The following ACTN4 variants were observed in gnomAD, a reference collection of about 807,000 sequenced individuals.
The protein encoded by ACTN4 is alpha-actinin-4.
In ACTN4, 18 loss-of-function variants were observed where a neutral mutation model predicts 114.2. The ratio of observed to expected loss-of-function variants is 0.16; its 90% CI spans 0.11 to 0.23. ACTN4 has a LOEUF of 0.23. Among genes scored for constraint, ACTN4 ranks in the 10% least tolerant of loss-of-function variants. The pLI, the probability that ACTN4 is intolerant of heterozygous loss-of-function variation, is 1.00. For synonymous variants in ACTN4, 515 were observed against 506.3 expected, an observed-to-expected ratio of 1.02 and a Z score of -0.23; for missense variants, 722 against 1,262.9, an observed-to-expected ratio of 0.57 and a Z score of 6.49.
intron 19 of ACTN4, chr19:38,728,506 T>TCCGCGTCCC: frequency 1.6e-6 from 1 of 632,092 alleles, no homozygotes; most frequent in East Asian, 7.2e-5. Flanking sequence ...GGGACACTCC[T>TCCGCGTCCC]CCGCCCGAGC....
In ACTN4 at chr19:38,729,067, C is replaced by T. The variant is rs374021622; in HGVS notation, c.2490C>T (p.Ala830=). ...ATAGCGGCCTTGTGACCTTCCAAGCCTTCATCGACTTCATGTCGCGGGAGA... is the reference window on the plus strand; with the variant it reads ...ATAGCGGCCTTGTGACCTTCCAAGCTTTCATCGACTTCATGTCGCGGGAGA... ...PNHSGLVTFQ[A]FIDFMSRETT... The change falls in exon 20 of 21, where the codon GCC becomes GCT. Residue 830 remains alanine, a synonymous_variant. Transcript: ENST00000252699. The T allele has an allele frequency of 4.7e-5, 76 of 1,613,558 alleles. No individual in the cohort carries two copies. The African/African-American group carries it at 9.1e-4, about 19-fold the overall frequency.
Position 38,717,189 on chromosome 19 carries a change from G to A in ACTN4, c.1016G>A (p.Arg339Gln). 6.2e-7 allele frequency: 1 copy of A among 1,614,240 alleles called. No individual in the cohort carries two copies. The highest frequency in any genetic ancestry group is 8.5e-7 in the Non-Finnish European group (1 of 1,180,042). ...AAGCTGGAGGACTTCCGCGACTACCGGCGTGTGCACAAGCCGCCCAAGGTG... is the reference window on the plus strand; with the variant it reads ...AAGCTGGAGGACTTCCGCGACTACCAGCGTGTGCACAAGCCGCCCAAGGTG... Reference protein sequence around the residue: ...QQKLEDFRDYRRVHKPPKVQE... With the variant: ...QQKLEDFRDYQRVHKPPKVQE... The change falls in exon 10 of 21, where the codon CGG (arginine) becomes CAG (glutamine). Residue 339 changes from arginine (R) to glutamine (Q), a missense_variant. Physicochemically the swap from Arg to Gln is conservative, Grantham distance 43. This residue lies in a region of ACTN4 where 523 missense variants were observed against 875.9 expected (regional missense o/e 0.60). Transcript: ENST00000252699. The surrounding 1 kb of genome is among the most constrained non-coding windows in gnomAD (Gnocchi z 4.0).
At chr19:38,659,035 C>CT (rs1976793548) in intron 1 of ACTN4, among the ~76,000 whole-genome samples, 1 of 140,616 alleles carries the variant, frequency 7.1e-6, no homozygotes. Flanking sequence ...TTCCCTTTCC[C>CT]TTTGTAACTT....
intron 1 of ACTN4, among the ~76,000 whole-genome samples, chr19:38,683,094 C>T (rs1397775708): frequency 2.0e-5 from 3 of 152,100 alleles, no homozygotes; most frequent in South Asian, 2.1e-4. Flanking sequence ...AAAATGAGAA[C>T]GAATGAAGTT....
At chr19:38,698,275 A>G (rs1568715950) in intron 1 of ACTN4, among the ~76,000 whole-genome samples, 1 of 152,178 alleles carries the variant, frequency 6.6e-6, no homozygotes, top group Non-Finnish European at 1.5e-5. Flanking sequence ...TGGGGTCTTC[A>G]TCCCCACGTT....
intron 5 of ACTN4, among the ~76,000 whole-genome samples, chr19:38,706,904 C>T (rs1968479431): frequency 2.0e-5 from 3 of 152,208 alleles, no homozygotes. Context: ...CTGAGGCGAG[C>T]ATGGGCACTG....
At chr19:38,650,666 A>G (rs1976534337) in intron 1 of ACTN4, among the ~76,000 whole-genome samples, 1 of 152,206 alleles carries the variant, frequency 6.6e-6, no homozygotes, top group Admixed American at 6.5e-5. Flanking sequence ...AGTAATGGAA[A>G]GGAATACACC....
Position 38,727,195 on chromosome 19 carries a change from T to G in ACTN4, c.2337+92T>G. 1 of 1,584,674 alleles carries G rather than the reference T, an allele frequency of 6.3e-7. No homozygotes were observed. Among genetic ancestry groups the G allele is most frequent in the African/African-American group, 1.3e-5 (1 of 74,290 alleles). ...CTCTGCATCTGTTCGTCCATTCCCATCACAGTTGCTGAGCGTCGGCCGCCA... is the reference window on the plus strand; with the variant it reads ...CTCTGCATCTGTTCGTCCATTCCCAGCACAGTTGCTGAGCGTCGGCCGCCA... On this transcript the variant is annotated intron_variant, in intron 18 of 20. Transcript: ENST00000252699. The surrounding 1 kb of genome is among the most constrained non-coding windows in gnomAD (Gnocchi z 5.4).
intron 1 of ACTN4, among the ~76,000 whole-genome samples, chr19:38,682,743 T>C (rs1294810812): frequency 2.6e-5 from 4 of 151,638 alleles, no homozygotes; most frequent in South Asian, 2.1e-4. Context: ...CTCCTCAGGC[T>C]CCCACCCTCT....
intron 9 of ACTN4, 120 bp from the exon 10 acceptor site, chr19:38,716,966 G>C: frequency 8.8e-7 from 1 of 1,137,296 alleles, no homozygotes; most frequent in Non-Finnish European, 1.3e-6. Flanking sequence ...GGGAGCAGGG[G>C]TAACCCCCTA....
chr19:38,678,320 G>C (rs1213713856), intron 1 of ACTN4, among the ~76,000 whole-genome samples: 1 of 152,060 alleles, frequency 6.6e-6, no homozygotes, highest in African/African-American at 2.4e-5. Context: ...AACTTACATC[G>C]TGAAAGCGAC....
At chr19:38,677,154 G>A (rs565077169) in intron 1 of ACTN4, among the ~76,000 whole-genome samples, 1 of 152,118 alleles carries the variant, frequency 6.6e-6, no homozygotes, top group South Asian at 2.1e-4. Context: ...TATTTGTAGG[G>A]CCGTCGCACC....
chr19:38,700,973 C>G (rs374245918), intron 2 of ACTN4, 29 bp from the exon 3 acceptor site: 107 of 1,611,186 alleles, frequency 6.6e-5, no homozygotes, highest in Non-Finnish European at 8.2e-5. Flanking sequence ...TCTGTCTCGC[C>G]CCCTCTTTTC....
At chr19:38,703,051 G>A (rs780062715) in intron 3 of ACTN4, among the ~76,000 whole-genome samples, 8 of 152,116 alleles carry the variant, frequency 5.3e-5, no homozygotes, top group Non-Finnish European at 1.0e-4. Context: ...TGCATATGGC[G>A]TGTTGACAAG....
chr19:38,722,305 T>C (rs772484627), intron 12 of ACTN4, among the ~76,000 whole-genome samples: 20 of 152,126 alleles, frequency 1.3e-4, no homozygotes, highest in Non-Finnish European at 2.5e-4. Flanking sequence ...CATTACTTCA[T>C]GGAAAATCCA....
At chr19:38,728,409 CGCT>C (rs1667458006) in intron 19 of ACTN4, 1 of 910,604 alleles carries the variant, frequency 1.1e-6, no homozygotes. Flanking sequence ...CCCAGCCACC[CGCT>C]CCTCCTCCTC....
intron 1 of ACTN4, among the ~76,000 whole-genome samples, chr19:38,679,842 T>A (rs1967500230): frequency 6.6e-6 from 1 of 151,440 alleles, no homozygotes; most frequent in Non-Finnish European, 1.5e-5. Flanking sequence ...TATTTAATGC[T>A]TCTGACCATG....
chr19:38,721,878 GC>G, intron 12 of ACTN4, 190 bp downstream of exon 12: 1 of 809,790 alleles, frequency 1.2e-6, no homozygotes, highest in South Asian at 1.5e-5. Context: ...TCCTGTCTCA[GC>G]CCCAGGTGGG....
rs1250667662 is a variant in ACTN4 at position 38,721,140 on chromosome 19, A to G, written c.1292-398A>G. On this transcript the variant is annotated intron_variant, in intron 11 of 20. Transcript: ENST00000252699. The stretch of plus-strand genomic sequence containing the variant: ...TGGCTCTGATGCTTCCCCTTCCCCA[A>G]GCCTGCTGGGACATGGGCTTTGACC... Among the ~76,000 whole-genome samples, 4 of 152,178 alleles carry G rather than the reference A, an allele frequency of 2.6e-5. No homozygotes were observed. In the South Asian group the frequency reaches 6.2e-4, roughly 24 times the overall value.
Sources: gnomAD v4.1 joint callset for allele counts (sites outside exome capture counted in the v4.1 genomes callset) on GRCh38, gnomAD v4.1.1 for gene constraint, gnomAD v4.1.1 regional missense constraint, Gnocchi (gnomAD v3.1) non-coding constraint, MANE v1.5 for transcripts, NCBI Gene and HGNC (gene_info 2026-07-23, HGNC 2026-07-21) for gene names.